Variants in REC114 observed in about 807,000 individuals in gnomAD.
The protein encoded by REC114 is REC114 meiotic recombination protein, also known as meiotic recombination protein REC114.
In REC114, 27 loss-of-function variants were observed where a neutral mutation model predicts 31.3. That is an observed-to-expected ratio of 0.86 (90% CI 0.64 to 1.19). The LOEUF is 1.19. Among genes scored for constraint, REC114 ranks in the 50% most tolerant of loss-of-function variants. REC114 has a pLI of 0.00. For missense variants in REC114, 344 were observed against 326.9 expected (o/e 1.05, Z -0.40); for synonymous variants, 134 against 127.7 (o/e 1.05, Z -0.33).
intron 2 of REC114, among the ~76,000 whole-genome samples, chr15:73,487,822 T>G (rs922692440): frequency 6.6e-6 from 1 of 152,234 alleles, no homozygotes; most frequent in African/African-American, 2.4e-5. Context: ...GTGGCTTCAC[T>G]AGGCATTGCC....
chr15:73,480,848 T>C (rs1435131227), intron 2 of REC114, among the ~76,000 whole-genome samples: 1 of 152,120 alleles, frequency 6.6e-6, no homozygotes, highest in Non-Finnish European at 1.5e-5. Context: ...CAGCTAACTT[T>C]TGTATTTTTA....
At chr15:73,538,643 A>G (rs1894194714) in intron 2 of REC114, among the ~76,000 whole-genome samples, 2 of 151,760 alleles carry the variant, frequency 1.3e-5, no homozygotes, top group South Asian at 4.2e-4. Context: ...TTTTTACTAG[A>G]GACAGGGTTT....
intron 2 of REC114, among the ~76,000 whole-genome samples, chr15:73,485,367 C>T (rs934822780): frequency 1.3e-5 from 2 of 152,158 alleles, no homozygotes; most frequent in African/African-American, 4.8e-5. Context: ...CAGGTGTGAG[C>T]CACCGTGCCC....
intron 2 of REC114, among the ~76,000 whole-genome samples, chr15:73,530,146 T>C (rs1031326925): frequency 6.6e-6 from 1 of 152,196 alleles, no homozygotes; most frequent in African/African-American, 2.4e-5. Context: ...GTCTGAGATA[T>C]GATATTAAGT....
At chr15:73,466,026 A>AT (rs1567854312) in intron 1 of REC114, among the ~76,000 whole-genome samples, 5 of 150,584 alleles carry the variant, frequency 3.3e-5, no homozygotes, top group Admixed American at 2.0e-4. Flanking sequence ...TAATTTTTTC[A>AT]TTTTTTTAGT....
chr15:73,517,275 A>G (rs1456980271), intron 2 of REC114, among the ~76,000 whole-genome samples: 2 of 152,214 alleles, frequency 1.3e-5, no homozygotes, highest in African/African-American at 4.8e-5. Context: ...CAAGGGAGTG[A>G]CAGAGTCAGT....
chr15:73,547,898 A>G (rs1277172824), intron 3 of REC114, among the ~76,000 whole-genome samples: 1 of 152,212 alleles, frequency 6.6e-6, no homozygotes, highest in African/African-American at 2.4e-5. Flanking sequence ...GCCAAAAGCA[A>G]TTGCAACAAA....
intron 2 of REC114, among the ~76,000 whole-genome samples, chr15:73,476,871 AT>A (rs1430308401): frequency 6.6e-6 from 1 of 152,116 alleles, no homozygotes; most frequent in African/African-American, 2.4e-5. Context: ...GCATGTTTTC[AT>A]TTTTCATCGT....
At chr15:73,465,392 A>T (rs1474701900) in intron 1 of REC114, among the ~76,000 whole-genome samples, 1 of 152,208 alleles carries the variant, frequency 6.6e-6, no homozygotes, top group African/African-American at 2.4e-5. Flanking sequence ...CTGAAAAATC[A>T]TAAGCCTGGA....
chr15:73,527,274 T>C (rs1894020830), intron 2 of REC114, among the ~76,000 whole-genome samples: 1 of 152,210 alleles, frequency 6.6e-6, no homozygotes, highest in African/African-American at 2.4e-5. Flanking sequence ...CTCAGTCTTA[T>C]GGTATTTCGT....
chr15:73,504,315 A>G (rs1459294386), intron 2 of REC114, among the ~76,000 whole-genome samples: 2 of 151,820 alleles, frequency 1.3e-5, no homozygotes, highest in Non-Finnish European at 1.5e-5. Context: ...AAATATTTTT[A>G]TATTTCTTTG....
At chr15:73,528,410 G>T (rs1595878054) in intron 2 of REC114, among the ~76,000 whole-genome samples, 2 of 151,996 alleles carry the variant, frequency 1.3e-5, no homozygotes, top group East Asian at 3.9e-4. Context: ...TATAAAATCT[G>T]AGAAAAAAAA....
chr15:73,503,673 A>T (rs2141309974), intron 2 of REC114, among the ~76,000 whole-genome samples: 1 of 152,252 alleles, frequency 6.6e-6, no homozygotes, highest in South Asian at 2.1e-4. Flanking sequence ...ATGTTTTAAA[A>T]TTTTATTTTC....
At chr15:73,503,406 A>G (rs1279359106) in intron 2 of REC114, among the ~76,000 whole-genome samples, 3 of 152,086 alleles carry the variant, frequency 2.0e-5, no homozygotes, top group African/African-American at 7.2e-5. Flanking sequence ...TCTGACTTAA[A>G]TTTTTTCCGT....
intron 1 of REC114, among the ~76,000 whole-genome samples, chr15:73,445,267 C>T (rs941850736): frequency 6.6e-6 from 1 of 152,146 alleles, no homozygotes; most frequent in Non-Finnish European, 1.5e-5. Context: ...CTATGAACGT[C>T]CTAGATGGCC....
chr15:73,513,314 C>G (rs1893803711), intron 2 of REC114, among the ~76,000 whole-genome samples: 1 of 151,762 alleles, frequency 6.6e-6, no homozygotes, highest in African/African-American at 2.4e-5. Flanking sequence ...TTAAGCACTT[C>G]TCTGTATTGG....
intron 2 of REC114, among the ~76,000 whole-genome samples, chr15:73,525,051 G>A (rs1445064800): frequency 6.6e-6 from 1 of 152,202 alleles, no homozygotes; most frequent in Non-Finnish European, 1.5e-5. Flanking sequence ...AGGTGGAAGT[G>A]GTCCAGTCAG....
At chr15:73,497,065 G>GT (rs777661662) in intron 2 of REC114, among the ~76,000 whole-genome samples, 9 of 151,998 alleles carry the variant, frequency 5.9e-5, no homozygotes, top group Admixed American at 2.0e-4. Flanking sequence ...CTTGTTACTA[G>GT]TAATGTTAAC....
intron 1 of REC114, among the ~76,000 whole-genome samples, chr15:73,469,158 G>A (rs1228724662): frequency 5.3e-5 from 8 of 152,126 alleles, no homozygotes; most frequent in Non-Finnish European, 1.0e-4. Flanking sequence ...TATACTTGGT[G>A]ATTTGCTATG....
Sources: allele counts gnomAD v4.1 joint callset (sites outside exome capture counted in the v4.1 genomes callset), GRCh38; gene constraint gnomAD v4.1.1; transcripts MANE v1.5; gene names NCBI Gene and HGNC (gene_info 2026-07-23, HGNC 2026-07-21).